The following NUP214 variants were observed in gnomAD, a reference collection of about 807,000 sequenced individuals.
NUP214 encodes nucleoporin 214, also known as nuclear pore complex protein Nup214.
A neutral mutation model predicts 196.2 loss-of-function variants in NUP214; 79 were observed. The ratio of observed to expected loss-of-function variants is 0.40; its 90% confidence interval spans 0.34 to 0.49. NUP214 has a LOEUF of 0.49. Ranked by LOEUF, NUP214 falls within the 20% of genes least tolerant of loss-of-function variation. The pLI is 0.58. For synonymous variants in NUP214, 1,020 were observed against 990.5 expected (o/e 1.03, Z -0.56); for missense variants, 2,468 against 2,539.0 (o/e 0.97, Z 0.60).
At chr9:131,150,250 C>T in intron 14 of NUP214, 74 bp from the exon 15 acceptor site, 1 of 1,283,332 alleles carries the variant, frequency 7.8e-7, no homozygotes, top group Non-Finnish European at 1.1e-6. Flanking sequence ...GCGCCACTCC[C>T]TGTAATAGGC....
At chr9:131,147,814 A>G (rs1399186392) in intron 14 of NUP214, among the ~76,000 whole-genome samples, 3 of 152,230 alleles carry the variant, frequency 2.0e-5, no homozygotes, top group East Asian at 1.9e-4. Context: ...AAAAGTACAC[A>G]TGATACATGT....
At chr9:131,192,887 G>A (rs1016761992) in intron 27 of NUP214, among the ~76,000 whole-genome samples, 1 of 129,940 alleles carries the variant, frequency 7.7e-6, no homozygotes, top group African/African-American at 3.0e-5. Context: ...GTTACAGTGA[G>A]CTATGATCAC....
intron 26 of NUP214, chr9:131,190,348 T>C (rs183184527): frequency 1.6e-4 from 97 of 620,054 alleles, no homozygotes; most frequent in Non-Finnish European, 2.3e-4. Flanking sequence ...CAAAGAAACC[T>C]AAGGAACTTT....
intron 19 of NUP214, chr9:131,163,422 CT>C (rs1260525658): frequency 2.1e-6 from 1 of 487,420 alleles, no homozygotes; most frequent in African/African-American, 2.0e-5. Context: ...GAAATGGGTG[CT>C]GAATATATCA....
At position 131,153,969 on chromosome 9, in the gene NUP214, T is replaced by G. The variant is rs184654900; in HGVS notation, c.2436+2075T>G. Among the ~76,000 whole-genome samples the G allele has an allele frequency of 9.2e-5, 14 of 152,276 alleles. No individual in the cohort carries two copies. In the East Asian group the frequency reaches 2.7e-3, roughly 29 times the overall value. ...CAGCCGAGCCAGAGAAAAGAAGTAT[T>G]TGTGATAGGCTTTAAAAGAAGAATT... On this transcript the variant is annotated intron_variant, in intron 17 of 35. Transcript: ENST00000359428.
chr9:131,205,952 G>C (rs948837751), intron 30 of NUP214, among the ~76,000 whole-genome samples: 4 of 151,794 alleles, frequency 2.6e-5, no homozygotes, highest in South Asian at 2.1e-4. Flanking sequence ...CAAAGTGCTG[G>C]GATTACAGTC....
intron 19 of NUP214, among the ~76,000 whole-genome samples, chr9:131,163,508 T>G (rs886298008): frequency 1.3e-5 from 2 of 152,208 alleles, no homozygotes; most frequent in Admixed American, 1.3e-4. Context: ...TTGACTGACT[T>G]GTTTCTGAAG....
chr9:131,128,787 CA>C (rs1831442252), intron 3 of NUP214: 1 of 309,386 alleles, frequency 3.2e-6, no homozygotes, highest in Non-Finnish European at 6.0e-6. Flanking sequence ...CCATTCCAAG[CA>C]GTTTAAGAAT....
intron 32 of NUP214, among the ~76,000 whole-genome samples, chr9:131,224,011 G>A (rs1834658383): frequency 6.6e-6 from 1 of 151,686 alleles, no homozygotes. Context: ...TGGGATTACA[G>A]GCGTGAGCCA....
chr9:131,211,755 A>T (rs928523790), intron 30 of NUP214, among the ~76,000 whole-genome samples: 1 of 152,056 alleles, frequency 6.6e-6, no homozygotes, highest in Non-Finnish European at 1.5e-5. Flanking sequence ...GCCTGTCTTT[A>T]CTTTAATCTC....
chr9:131,145,140 T>C (rs1832051937), intron 12 of NUP214, among the ~76,000 whole-genome samples: 1 of 152,124 alleles, frequency 6.6e-6, no homozygotes. Flanking sequence ...CTCTCTGAAC[T>C]GCTGTCTACA....
At chr9:131,195,875 A>G (rs1833761158) in intron 28 of NUP214, among the ~76,000 whole-genome samples, 1 of 152,006 alleles carries the variant, frequency 6.6e-6, no homozygotes. Flanking sequence ...AAAATACAAA[A>G]TTAGCCAGCC....
chr9:131,181,318 G>A (rs1385424398), intron 24 of NUP214, among the ~76,000 whole-genome samples: 2 of 152,198 alleles, frequency 1.3e-5, no homozygotes, highest in African/African-American at 2.4e-5. Flanking sequence ...AGGAAAGACT[G>A]TTGGTGGACA....
intron 29 of NUP214, among the ~76,000 whole-genome samples, chr9:131,200,062 G>A (rs1426259870): frequency 2.0e-5 from 3 of 152,148 alleles, no homozygotes; most frequent in Non-Finnish European, 2.9e-5. Flanking sequence ...AGAGGAGAAC[G>A]TGTAACACAG....
intron 29 of NUP214, among the ~76,000 whole-genome samples, chr9:131,201,399 C>T (rs1052171750): frequency 6.6e-6 from 1 of 151,482 alleles, no homozygotes; most frequent in Non-Finnish European, 1.5e-5. Context: ...GAGCAAGACT[C>T]CATCTCAAAA....
chr9:131,166,137 A>G (rs1390072496), intron 21 of NUP214, among the ~76,000 whole-genome samples: 2 of 152,224 alleles, frequency 1.3e-5, no homozygotes, highest in Non-Finnish European at 2.9e-5. Flanking sequence ...CCAAATTTTA[A>G]AAATTGGAAA....
intron 24 of NUP214, among the ~76,000 whole-genome samples, chr9:131,183,382 G>C (rs1436837210): frequency 7.9e-5 from 12 of 152,190 alleles, no homozygotes. Context: ...ACCGCGCCCG[G>C]CTGACTATCT....
At chr9:131,164,222 C>G (rs947813849) in intron 21 of NUP214, 78 bp downstream of exon 21, 1 of 1,299,414 alleles carries the variant, frequency 7.7e-7, no homozygotes, top group Non-Finnish European at 1.1e-6. Context: ...CGCACATGCA[C>G]GTGTGCATGT....
At chr9:131,216,213 C>CTT (rs113694633) in intron 31 of NUP214, among the ~76,000 whole-genome samples, 7 of 122,712 alleles carry the variant, frequency 5.7e-5, no homozygotes, top group Admixed American at 1.7e-4. Context: ...TTTAAAAATT[C>CTT]TTTTTTTTTT....
Sources: gnomAD v4.1 joint callset for allele counts (sites outside exome capture counted in the v4.1 genomes callset) on GRCh38, gnomAD v4.1.1 for gene constraint, MANE v1.5 for transcripts, NCBI Gene and HGNC (gene_info 2026-07-23, HGNC 2026-07-21) for gene names.